ERGIC3: variants seen among roughly 807,000 people sequenced by gnomAD.
ERGIC3 encodes the protein endoplasmic reticulum-Golgi intermediate compartment protein 3.
ERGIC3 carries 33 observed loss-of-function variants against 54.7 expected under a neutral mutation model. The observed-to-expected ratio is 0.60, with a 90% CI of 0.46 to 0.81. The LOEUF is 0.81. Among genes scored for constraint, ERGIC3 ranks in the 30% least tolerant of loss-of-function variants. The pLI, the probability that ERGIC3 is intolerant of heterozygous loss-of-function variation, is 0.00. For synonymous variants in ERGIC3, 186 were observed against 189.8 expected, an observed-to-expected ratio of 0.98 and a Z score of 0.16; for missense variants, 399 against 488.4, an observed-to-expected ratio of 0.82 and a Z score of 1.73.
chr20:35,553,873 C>T (rs2064696756), intron 7 of ERGIC3, among the ~76,000 whole-genome samples: 1 of 152,174 alleles, frequency 6.6e-6, no homozygotes, highest in African/African-American at 2.4e-5. Context: ...ATCCCCGGGC[C>T]GGGGGTGCTC....
chr20:35,554,502 G>A, intron 7 of ERGIC3: 1 of 1,132,380 alleles, frequency 8.8e-7, no homozygotes, highest in Non-Finnish European at 1.3e-6. Context: ...CCTGGCTGCT[G>A]GGTGACTGTA....
chr20:35,545,582 A>C lies in ERGIC3; in HGVS notation c.368-1830A>C, dbSNP rs988216061. ...AACTCTGTCTCAACAACAACAACAAAAAAACGTGTAACCTTTTTTATGACC... is the reference window on the plus strand; with the variant it reads ...AACTCTGTCTCAACAACAACAACAACAAAACGTGTAACCTTTTTTATGACC... On this transcript the variant is annotated intron_variant, in intron 4 of 12. Transcript: ENST00000348547. 2.6e-5 allele frequency among the ~76,000 whole-genome samples: 4 copies of C among 151,976 alleles called. No individual in the cohort carries two copies. In the South Asian group the frequency reaches 6.2e-4, roughly 24 times the overall value.
intron 5 of ERGIC3, 65 bp downstream of exon 5, chr20:35,547,570 C>CA: frequency 6.8e-7 from 1 of 1,469,860 alleles, no homozygotes; most frequent in Admixed American, 1.7e-5. Context: ...GCCTCAGCCT[C>CA]AGTCAGACTG....
In ERGIC3 at chr20:35,556,089, T is replaced by C. The variant is rs1444512821; in HGVS notation, c.774T>C (p.Ile258=). ...HLSFGEDYPG[I]VNPLDHTNVT... The stretch of plus-strand genomic sequence containing the variant: ...CATTTGGGGAGGACTATCCAGGCAT[T>C]GTGAACCCCCTGGACCACACCAATG... Residue 258 remains isoleucine, a synonymous_variant, in exon 9 of 13, where the codon ATT becomes ATC. Transcript: ENST00000348547. 1 of 1,614,144 alleles carries C rather than the reference T, an allele frequency of 6.2e-7. No homozygotes were observed. The highest frequency in any genetic ancestry group is 1.7e-5 in the Admixed American group (1 of 60,016).
intron 7 of ERGIC3, among the ~76,000 whole-genome samples, chr20:35,553,811 A>ACT (rs1414131595): frequency 6.6e-6 from 1 of 152,220 alleles, no homozygotes; most frequent in Non-Finnish European, 1.5e-5. Context: ...GGCACTCAGT[A>ACT]GACACACAGC....
intron 10 of ERGIC3, 159 bp downstream of exon 10, chr20:35,556,430 C>A: frequency 1.3e-6 from 1 of 756,860 alleles, no homozygotes; most frequent in Non-Finnish European, 2.2e-6. Context: ...CCCTCCCAGG[C>A]AGAGTGCAGG....
intron 4 of ERGIC3, among the ~76,000 whole-genome samples, chr20:35,545,760 G>T (rs1487737073): frequency 6.6e-6 from 1 of 152,172 alleles, no homozygotes. Flanking sequence ...CACAGAGTAA[G>T]GTCAGGATTT....
chr20:35,557,076 C>T lies in ERGIC3; in HGVS notation c.983C>T (p.Ser328Leu), dbSNP rs1328211783. ...LPGVFVLYEL[S>L]PMMVKLTEKH... ...GGAGTCTTCGTCCTCTATGAGCTCT[C>T]GCCCATGATGGTGAAGCTGACGGAG... The change falls in exon 11 of 13, where the codon TCG becomes TTG. Residue 328 changes from serine (S) to leucine (L), a missense_variant. By Grantham distance (145) the Ser-to-Leu change is moderately radical. Transcript: ENST00000348547. 10 of 1,614,110 alleles carry T rather than the reference C, an allele frequency of 6.2e-6. No individual in the cohort carries two copies. Among genetic ancestry groups the T allele is most frequent in the East Asian group, 4.5e-5 (2 of 44,892 alleles).
At chr20:35,548,121 C>T (rs2064659852) in intron 5 of ERGIC3, among the ~76,000 whole-genome samples, 1 of 152,118 alleles carries the variant, frequency 6.6e-6, no homozygotes, top group African/African-American at 2.4e-5. Context: ...CAGTGTCATG[C>T]AGTCACCACT....
Position 35,556,467 on chromosome 20 carries a change from T to C in ERGIC3, c.879+196T>C, listed in dbSNP as rs923304025. The C allele has an allele frequency of 1.1e-5, 7 of 608,992 alleles. No homozygotes were observed. The African/African-American group carries it at 1.3e-4, about 11-fold the overall frequency. The allele number at this position is 608,992 out of a possible 1,614,324, so 37.7% of individuals were successfully genotyped here. A position where few individuals can be genotyped will look rare whatever the true frequency, so the allele number is the denominator to read the frequency against. On this transcript the variant is annotated intron_variant, in intron 10 of 12. Coordinates refer to ENST00000348547, the MANE Select transcript of ERGIC3 (RefSeq NM_015966.3). ...CTGGGGCTGTTAGATTTAAAGCGCC[T>C]GCTCTTTCTGCTGCCCTCACCGCTT...
rs1278413972 is a variant in ERGIC3 at position 35,557,614 on chromosome 20, T to G, written c.*110T>G. 4.5e-6 allele frequency: 4 copies of G among 889,820 alleles called. No individual in the cohort carries two copies. The highest frequency in any genetic ancestry group is 5.4e-6 in the Non-Finnish European group (3 of 552,954). 55.1% of individuals were successfully genotyped at this position (889,820 alleles called of 1,614,324 possible). ...AGCCCCAGCCCCAGGTTGATAAATC[T>G]ATTGATTGATTGTGATAGTACTCAC... On this transcript the variant is annotated 3_prime_UTR_variant, in exon 13 of 13. Coordinates refer to ENST00000348547, the MANE Select transcript of ERGIC3 (RefSeq NM_015966.3).
intron 7 of ERGIC3, among the ~76,000 whole-genome samples, chr20:35,550,083 G>A (rs2064673592): frequency 6.6e-6 from 1 of 152,054 alleles, no homozygotes; most frequent in Non-Finnish European, 1.5e-5. Context: ...GGAGGGGCTA[G>A]GGTAGGGCAG....
chr20:35,555,954 C>T (rs2064708851), intron 8 of ERGIC3, 79 bp from the exon 9 acceptor site: 4 of 1,359,786 alleles, frequency 2.9e-6, no homozygotes, highest in Non-Finnish European at 4.1e-6. Flanking sequence ...CCTCCCACAT[C>T]TCCGCAGACG....
At chr20:35,548,242 C>T (rs1180256686) in intron 5 of ERGIC3, among the ~76,000 whole-genome samples, 1 of 151,904 alleles carries the variant, frequency 6.6e-6, no homozygotes, top group Non-Finnish European at 1.5e-5. Flanking sequence ...TTTGGGAGGC[C>T]GAGGTAGGTG....
intron 4 of ERGIC3, chr20:35,543,264 T>G: frequency 2.9e-6 from 1 of 349,762 alleles, no homozygotes; most frequent in South Asian, 2.4e-5. Flanking sequence ...CCAGGCTTCT[T>G]TGAGTGTTTG....
chr20:35,542,300 G>A (rs1157380385), intron 1 of ERGIC3, 23 bp from the exon 2 acceptor site: 1 of 1,614,008 alleles, frequency 6.2e-7, no homozygotes, highest in Non-Finnish European at 8.5e-7. Context: ...AGGCCATTCT[G>A]ACCCTCGCCC....
chr20:35,556,533 G>C, intron 10 of ERGIC3: 1 of 539,754 alleles, frequency 1.9e-6, no homozygotes. Flanking sequence ...CTGCCTCACT[G>C]TTCTCTGTGG....
rs530329677 is a variant in ERGIC3, at chr20:35,557,100, A to C, written c.1007A>C (p.Glu336Ala). ...TCGCCCATGATGGTGAAGCTGACGG[A>C]GAAGCACAGGTGAGGATGGGGGCAA... ...ELSPMMVKLT[E>A]KHRSFTHFLT... The change falls in exon 11 of 13, where the codon GAG becomes GCG. Residue 336 changes from glutamate (E) to alanine (A), a missense_variant. Physicochemically the swap from Glu to Ala is moderately radical, Grantham distance 107. Coordinates refer to ENST00000348547, the MANE Select transcript of ERGIC3 (RefSeq NM_015966.3). The C allele has an allele frequency of 6.2e-7, 1 of 1,614,200 alleles. No homozygotes were observed. The highest frequency in any genetic ancestry group is 2.2e-5 in the East Asian group (1 of 44,866).
rs969239936 is a variant in ERGIC3, at chr20:35,548,597, C to T, written c.550C>T (p.Arg184Ter). Residue 184 changes from arginine (R) to a stop codon, truncating the protein, a stop_gained, in exon 6 of 13, where the codon CGA becomes TGA. Coordinates refer to ENST00000348547, the MANE Select transcript of ERGIC3 (RefSeq NM_015966.3). LOFTEE classifies it high-confidence loss of function. Reference sequence around the variant, plus strand: ...CCCAGATACTATTGAGCAGTGCCGGCGAGAGGGCTTCAGCCAGAAGATGCA... The same window carrying T: ...CCCAGATACTATTGAGCAGTGCCGGTGAGAGGGCTTCAGCCAGAAGATGCA... The part of the protein sequence containing the change: ...KNPDTIEQCR[R>*]EGFSQKMQEQ... 15 of 1,614,054 alleles carry T rather than the reference C, an allele frequency of 9.3e-6. No individual in the cohort carries two copies. The highest frequency in any genetic ancestry group is 2.2e-5 in the East Asian group (1 of 44,884).
Sources: allele counts gnomAD v4.1 joint callset (sites outside exome capture counted in the v4.1 genomes callset), GRCh38; gene constraint gnomAD v4.1.1; transcripts MANE v1.5; gene names NCBI Gene and HGNC (gene_info 2026-07-23, HGNC 2026-07-21).